Variants in PCCA observed in about 807,000 individuals in gnomAD.
PCCA encodes propionyl-CoA carboxylase subunit alpha, also known as propionyl-CoA carboxylase alpha chain, mitochondrial.
Under a neutral mutation model 101.3 loss-of-function variants are expected in PCCA, and 74 were observed. The observed-to-expected ratio is 0.73, with a 90% confidence interval of 0.61 to 0.89. The LOEUF (loss-of-function observed/expected upper bound fraction) is 0.89, where lower values mean the gene tolerates loss of function less well. Ranked by LOEUF, PCCA falls within the 40% of genes least tolerant of loss-of-function variation. The pLI, the probability that PCCA is intolerant of heterozygous loss-of-function variation, is 0.00. For synonymous variants in PCCA, 294 were observed against 313.6 expected (o/e 0.94, Z 0.66); for missense variants, 891 against 907.0 (o/e 0.98, Z 0.23).
At chr13:100,165,061 C>T (rs576044160) in intron 6 of PCCA, among the ~76,000 whole-genome samples, 3 of 152,270 alleles carry the variant, frequency 2.0e-5, no homozygotes, top group African/African-American at 4.8e-5. Context: ...TATTTTGTTT[C>T]TTCATCACCT....
At chr13:100,138,744 C>A (rs1198636713) in intron 4 of PCCA, among the ~76,000 whole-genome samples, 2 of 151,780 alleles carry the variant, frequency 1.3e-5, no homozygotes, top group Admixed American at 1.3e-4. Context: ...ACCAGCCTGG[C>A]CAAGATGGTG....
intron 8 of PCCA, chr13:100,237,209 T>C (rs1014604557): frequency 1.3e-5 from 2 of 152,258 alleles, no homozygotes; most frequent in Non-Finnish European, 2.9e-5. Context: ...ACTTAGCAGG[T>C]CTTTAGTGAC....
At chr13:100,441,391 C>T (rs1034598373) in intron 20 of PCCA, among the ~76,000 whole-genome samples, 5 of 152,150 alleles carry the variant, frequency 3.3e-5, no homozygotes, top group Non-Finnish European at 7.4e-5. Context: ...TGTTCAGTGA[C>T]ATTATTTTTA....
At chr13:100,427,648 G>C (rs994214833) in intron 20 of PCCA, among the ~76,000 whole-genome samples, 2 of 151,512 alleles carry the variant, frequency 1.3e-5, no homozygotes, top group African/African-American at 4.9e-5. Context: ...GGAAGAGGTC[G>C]TTGCATCAAG....
Position 100,475,806 on chromosome 13 carries a change from G to C in PCCA, c.1899+26501G>C, listed in dbSNP as rs145011090. Among the ~76,000 whole-genome samples the C allele has an allele frequency of 8.5e-3, 1,295 of 152,198 alleles. 21 individuals carry two copies. The highest frequency in any genetic ancestry group is 0.03 in the African/African-American group (1,258 of 41,518). On this transcript the variant is annotated intron_variant, in intron 21 of 23. Transcript: ENST00000376285. ...TCTTCCCACATCCTCACTGACACTC[G>C]TTATTGTCTTTTTTATTATGGTCAT...
chr13:100,341,477 A>C (rs1297632740), intron 18 of PCCA, among the ~76,000 whole-genome samples: 1 of 152,122 alleles, frequency 6.6e-6, no homozygotes, highest in Non-Finnish European at 1.5e-5. Flanking sequence ...ATTAAAGTGA[A>C]TGGAAGAATC....
At chr13:100,449,805 GGATAA>G (rs1285965861) in intron 21 of PCCA, among the ~76,000 whole-genome samples, 34 of 152,168 alleles carry the variant, frequency 2.2e-4, no homozygotes, top group African/African-American at 7.9e-4. Context: ...TTTCAAATGT[GGATAA>G]GATATTTTTA....
intron 19 of PCCA, among the ~76,000 whole-genome samples, chr13:100,376,240 C>T (rs562914811): frequency 2.0e-5 from 3 of 152,312 alleles, no homozygotes; most frequent in African/African-American, 4.8e-5. Flanking sequence ...CAGAGGGGCA[C>T]CTGCCAGATG....
intron 4 of PCCA, among the ~76,000 whole-genome samples, chr13:100,144,855 G>T (rs956554847): frequency 6.6e-6 from 1 of 152,308 alleles, no homozygotes; most frequent in Admixed American, 6.5e-5. Flanking sequence ...GAGGAATTTT[G>T]CAAGAGAGAT....
chr13:100,217,868 G>A (rs367718266), intron 7 of PCCA, among the ~76,000 whole-genome samples: 2 of 150,752 alleles, frequency 1.3e-5, no homozygotes, highest in African/African-American at 4.9e-5. Context: ...GAGGTCAGGA[G>A]TTCAAGACCA....
chr13:100,210,094 T>G (rs948601271), intron 7 of PCCA, among the ~76,000 whole-genome samples: 19 of 151,918 alleles, frequency 1.3e-4, no homozygotes, highest in African/African-American at 4.4e-4. Context: ...CCTCCTTCTT[T>G]AGCCTCCCAA....
chr13:100,090,097 TC>T (rs1183948400), intron 1 of PCCA, among the ~76,000 whole-genome samples: 5 of 152,224 alleles, frequency 3.3e-5, no homozygotes, highest in Non-Finnish European at 7.3e-5. Flanking sequence ...TTGTTAAACT[TC>T]CTTTTAAAAA....
chr13:100,474,454 CTCTCTCTCTCTCTCTG>C (rs1385391427), intron 21 of PCCA, among the ~76,000 whole-genome samples: 1 of 128,884 alleles, frequency 7.8e-6, no homozygotes, highest in East Asian at 3.3e-4. Context: ...CTCTCTCTCT[CTCTCTCTCTCTCTCTG>C]TCTCTGTCTC....
intron 22 of PCCA, among the ~76,000 whole-genome samples, chr13:100,522,008 A>C (rs1260886501): frequency 1.3e-5 from 2 of 152,202 alleles, no homozygotes; most frequent in Non-Finnish European, 2.9e-5. Context: ...AAGGGGACTT[A>C]ATTTTTCAGC....
At chr13:100,200,453 T>C (rs1009495314) in intron 6 of PCCA, among the ~76,000 whole-genome samples, 1 of 152,206 alleles carries the variant, frequency 6.6e-6, no homozygotes, top group African/African-American at 2.4e-5. Flanking sequence ...TGGCTTCTTC[T>C]AATGGTATTT....
intron 22 of PCCA, among the ~76,000 whole-genome samples, chr13:100,523,502 G>A (rs1352007818): frequency 6.6e-6 from 1 of 152,174 alleles, no homozygotes; most frequent in Non-Finnish European, 1.5e-5. Flanking sequence ...TCAGCTGGAG[G>A]TGTCTGCAGC....
chr13:100,306,991 A>C (rs1287767903), intron 14 of PCCA, among the ~76,000 whole-genome samples: 1 of 152,162 alleles, frequency 6.6e-6, no homozygotes, highest in Non-Finnish European at 1.5e-5. Flanking sequence ...TAGTTTCGTC[A>C]TTCAGTGGCA....
At chr13:100,438,432 C>T (rs1440597935) in intron 20 of PCCA, among the ~76,000 whole-genome samples, 1 of 152,108 alleles carries the variant, frequency 6.6e-6, no homozygotes, top group East Asian at 1.9e-4. Flanking sequence ...AGGCCTGAGC[C>T]ACCACTCCCA....
Position 100,154,995 on chromosome 13 carries a change from C to T in PCCA, c.317C>T (p.Ala106Val), listed in dbSNP as rs765468519. Residue 106 changes from alanine to valine, a missense_variant, in exon 5 of 24, where the codon GCG (alanine) becomes GTG (valine). Physicochemically the swap from Ala to Val is moderately conservative, Grantham distance 64. Transcript: ENST00000376285. ...VDASSVHVKMADEAVCVGPAP... is the reference protein window; with the variant it reads ...VDASSVHVKMVDEAVCVGPAP... ...TCTCCTCAGGTTCATGTGAAAATGG[C>T]GGATGAGGCTGTCTGTGTTGGCCCA... 3.7e-6 allele frequency: 6 copies of T among 1,613,096 alleles called. No homozygotes were observed. The highest frequency in any genetic ancestry group is 1.3e-5 in the African/African-American group (1 of 74,838).
Sources: gnomAD v4.1 joint callset for allele counts (sites outside exome capture counted in the v4.1 genomes callset) on GRCh38, gnomAD v4.1.1 for gene constraint, MANE v1.5 for transcripts, NCBI Gene and HGNC (gene_info 2026-07-23, HGNC 2026-07-21) for gene names.